RUVBL2: variants seen among roughly 807,000 people sequenced by gnomAD.
RUVBL2 encodes RuvB like AAA ATPase 2, also known as ruvB-like 2.
Under a neutral mutation model 57.9 loss-of-function variants are expected in RUVBL2, and 9 were observed. The ratio of observed to expected loss-of-function variants is 0.16; its 90% CI spans 0.09 to 0.27. The LOEUF (loss-of-function observed/expected upper bound fraction) is 0.27, where lower values mean the gene tolerates loss of function less well. Among genes scored for constraint, RUVBL2 ranks in the 10% least tolerant of loss-of-function variants. The pLI is 1.00. For synonymous variants in RUVBL2, 278 were observed against 264.6 expected (o/e 1.05, Z -0.49); for missense variants, 456 against 669.6 (o/e 0.68, Z 3.52).
chr19:49,009,358 G>A (rs975255287), intron 6 of RUVBL2, among the ~76,000 whole-genome samples: 56 of 145,272 alleles, frequency 3.9e-4, no homozygotes, highest in Non-Finnish European at 7.7e-4. Context: ...GTGGTGGCGG[G>A]CGCCTGTAGT....
intron 2 of RUVBL2, among the ~76,000 whole-genome samples, chr19:48,999,829 A>G (rs1405135824): frequency 6.6e-6 from 1 of 152,168 alleles, no homozygotes; most frequent in African/African-American, 2.4e-5. Flanking sequence ...CAGTAGCCGC[A>G]TGAGGTGCAT....
At chr19:49,001,902 G>A (rs1160322877) in intron 2 of RUVBL2, among the ~76,000 whole-genome samples, 1 of 151,860 alleles carries the variant, frequency 6.6e-6, no homozygotes, top group South Asian at 2.1e-4. Flanking sequence ...GAGCCACCAC[G>A]CCTGGACCCT....
chr19:49,009,658 A>G lies in RUVBL2; in HGVS notation c.463-118A>G, dbSNP rs137972014. 3.1e-4 allele frequency: 270 copies of G among 858,292 alleles called. 1 individual carries two copies. The highest frequency in any genetic ancestry group is 4.7e-4 in the Non-Finnish European group (246 of 521,600). 53.2% of individuals were successfully genotyped at this position (858,292 alleles called of 1,614,324 possible). A position where few individuals can be genotyped will look rare whatever the true frequency, so the allele number is the denominator to read the frequency against. On this transcript the variant is annotated intron_variant, in intron 6 of 14. Coordinates refer to ENST00000595090, the MANE Select transcript of RUVBL2 (RefSeq NM_006666.3). ...TGGAGAGCTTCCTTGTGTTGTGCCCATTTTGAAGCTGTGGAAGCAGAGGCC... is the reference window on the plus strand; with the variant it reads ...TGGAGAGCTTCCTTGTGTTGTGCCCGTTTTGAAGCTGTGGAAGCAGAGGCC...
intron 2 of RUVBL2, among the ~76,000 whole-genome samples, chr19:49,000,762 G>A (rs2039163853): frequency 6.6e-6 from 1 of 150,772 alleles, no homozygotes; most frequent in African/African-American, 2.4e-5. Flanking sequence ...CTACTAGGGA[G>A]GATGGCTTGA....
chr19:49,013,418 G>C (rs1316228033), intron 11 of RUVBL2, among the ~76,000 whole-genome samples: 1 of 151,732 alleles, frequency 6.6e-6, no homozygotes, highest in Non-Finnish European at 1.5e-5. Context: ...CCATTTGTTG[G>C]TGATATTGCC....
At chr19:49,007,940 C>T (rs1012620535) in intron 6 of RUVBL2, among the ~76,000 whole-genome samples, 3 of 151,520 alleles carry the variant, frequency 2.0e-5, no homozygotes, top group Non-Finnish European at 4.4e-5. Flanking sequence ...AACTCCTGAC[C>T]TCGTGATCTG....
At chr19:48,996,972 T>G (rs1204092930) in intron 1 of RUVBL2, among the ~76,000 whole-genome samples, 2 of 152,054 alleles carry the variant, frequency 1.3e-5, no homozygotes, top group African/African-American at 4.8e-5. Flanking sequence ...CTGTTGTTTT[T>G]TTTTTTTCTT....
At chr19:49,014,433 A>T in intron 11 of RUVBL2, 51 bp from the exon 12 acceptor site, 1 of 1,589,592 alleles carries the variant, frequency 6.3e-7, no homozygotes, top group South Asian at 1.1e-5. Context: ...AGCAAAGGGA[A>T]TGAAGAGGGA....
Position 49,015,810 on chromosome 19 carries a change from C to A in RUVBL2, c.1367-7C>A, listed in dbSNP as rs1325085015. 1.2e-6 allele frequency: 2 copies of A among 1,613,894 alleles called. No homozygotes were observed. Among genetic ancestry groups the A allele is most frequent in the Non-Finnish European group, 1.7e-6 (2 of 1,179,890 alleles). ...CACTGACCATGTGGCCTTCCTTCTC[C>A]CCACAGAAGGCGAGACCATGGACAC... On this transcript the variant is annotated splice_region_variant and splice_polypyrimidine_tract_variant and intron_variant, in intron 14 of 14. Coordinates refer to ENST00000595090, the MANE Select transcript of RUVBL2 (RefSeq NM_006666.3).
chr19:49,011,188 C>T lies in RUVBL2; in HGVS notation c.883-4C>T, dbSNP rs764718748. The T allele has an allele frequency of 1.2e-5, 20 of 1,613,642 alleles. No individual in the cohort carries two copies. Among genetic ancestry groups the T allele is most frequent in the Non-Finnish European group, 1.1e-5 (13 of 1,179,824 alleles). On this transcript the variant is annotated splice_polypyrimidine_tract_variant and splice_region_variant and intron_variant, in intron 10 of 14. Coordinates refer to ENST00000595090, the MANE Select transcript of RUVBL2 (RefSeq NM_006666.3). The surrounding 1 kb of genome is among the most constrained non-coding windows in gnomAD (Gnocchi z 4.4). ...GGTGACTCTCACACACACCCCAATCCAAGGTGCTGTTCATCGACGAGGTCC... is the reference window on the plus strand; with the variant it reads ...GGTGACTCTCACACACACCCCAATCTAAGGTGCTGTTCATCGACGAGGTCC...
At chr19:49,012,267 G>C (rs1432609498) in intron 11 of RUVBL2, among the ~76,000 whole-genome samples, 1 of 152,206 alleles carries the variant, frequency 6.6e-6, no homozygotes, top group African/African-American at 2.4e-5. Flanking sequence ...CGCTGGGCCT[G>C]GCTCTGTGTT....
intron 13 of RUVBL2, 59 bp downstream of exon 13, chr19:49,015,209 C>T: frequency 1.9e-6 from 3 of 1,571,636 alleles, no homozygotes; most frequent in African/African-American, 1.4e-5. Context: ...CACAGTACTT[C>T]AGGGGCTTCC....
At chr19:48,996,797 G>A (rs528348459) in intron 1 of RUVBL2, among the ~76,000 whole-genome samples, 1 of 151,394 alleles carries the variant, frequency 6.6e-6, no homozygotes, top group East Asian at 1.9e-4. Flanking sequence ...AAAGTGCTGG[G>A]ATTACGGGCG....
upstream of RUVBL2, chr19:48,993,786 A>T: frequency 7.6e-7 from 1 of 1,309,552 alleles, no homozygotes; most frequent in Non-Finnish European, 1.1e-6. Flanking sequence ...CCACGCCCCC[A>T]CAATATTTAC....
intron 3 of RUVBL2, among the ~76,000 whole-genome samples, chr19:49,003,980 G>T (rs2039232954): frequency 6.6e-6 from 1 of 151,684 alleles, no homozygotes; most frequent in South Asian, 2.1e-4. Flanking sequence ...GCTGGACATG[G>T]TGGTGCACAT....
intron 4 of RUVBL2, 27 bp from the exon 5 acceptor site, chr19:49,006,991 C>G: frequency 6.2e-7 from 1 of 1,610,894 alleles, no homozygotes. Context: ...AGAGCGGCTT[C>G]ACCTACACAG....
In RUVBL2 at chr19:49,003,295, C is replaced by T; in HGVS notation, c.84C>T (p.Ile28=). The change falls in exon 3 of 15, where the codon ATC becomes ATT. Residue 28 remains isoleucine (I), a synonymous_variant. Coordinates refer to ENST00000595090, the MANE Select transcript of RUVBL2 (RefSeq NM_006666.3). The stretch of plus-strand genomic sequence containing the variant: ...TTCATGTAGGTGCCCACTCCCACAT[C>T]CGGGGACTGGGGCTGGACGATGCCT... The part of the protein sequence containing the change: ...RIERIGAHSH[I]RGLGLDDALE... 1 of 1,613,778 alleles carries T rather than the reference C, an allele frequency of 6.2e-7. No homozygotes were observed. Among genetic ancestry groups the T allele is most frequent in the African/African-American group, 1.3e-5 (1 of 74,992 alleles).
chr19:49,010,686 T>C (rs2039402449), intron 9 of RUVBL2, 75 bp downstream of exon 9: 5 of 1,585,298 alleles, frequency 3.2e-6, no homozygotes, highest in Non-Finnish European at 4.3e-6. Context: ...CCTCTGTTCC[T>C]GAGCTCCGAG....
chr19:48,995,986 CAAAAAAA>C (rs562564350), intron 1 of RUVBL2, among the ~76,000 whole-genome samples: 2 of 83,714 alleles, frequency 2.4e-5, no homozygotes, highest in African/African-American at 4.5e-5. Context: ...GGCTGTGTCT[CAAAAAAA>C]AAAAAAAAAG....
Sources: allele counts gnomAD v4.1 joint callset (sites outside exome capture counted in the v4.1 genomes callset), GRCh38; gene constraint gnomAD v4.1.1; non-coding constraint Gnocchi (gnomAD v3.1); transcripts MANE v1.5; gene names NCBI Gene and HGNC (gene_info 2026-07-23, HGNC 2026-07-21).